The following KATNAL1 variants were observed in gnomAD, a reference collection of about 807,000 sequenced individuals.
KATNAL1 encodes the protein katanin catalytic subunit A1 like 1.
A neutral mutation model predicts 55.2 loss-of-function variants in KATNAL1; 32 were observed. The ratio of observed to expected loss-of-function variants is 0.58; its 90% CI spans 0.44 to 0.78. KATNAL1 has a LOEUF of 0.78. KATNAL1 is among the 30% of genes least tolerant of loss of function. The pLI, the probability that KATNAL1 is intolerant of heterozygous loss-of-function variation, is 0.00. For missense variants in KATNAL1, 466 were observed against 600.9 expected, an observed-to-expected ratio of 0.78 and a Z score of 2.35; for synonymous variants, 193 against 193.6, an observed-to-expected ratio of 1.00 and a Z score of 0.02.
At chr13:30,227,319 T>C in intron 9 of KATNAL1, 93 bp downstream of exon 9, 1 of 1,258,698 alleles carries the variant, frequency 7.9e-7, no homozygotes. Context: ...GCTATAAACT[T>C]CTTTAAGCAG....
intron 6 of KATNAL1, among the ~76,000 whole-genome samples, chr13:30,232,814 A>G (rs963267433): frequency 2.6e-5 from 4 of 152,118 alleles, no homozygotes; most frequent in African/African-American, 9.7e-5. Context: ...ATACAAATAT[A>G]CTTTAATCTG....
At chr13:30,285,122 C>T (rs139971886) in intron 1 of KATNAL1, among the ~76,000 whole-genome samples, 2 of 152,280 alleles carry the variant, frequency 1.3e-5, no homozygotes, top group East Asian at 3.9e-4. Context: ...GAAAATTAAC[C>T]ATCACTAGTT....
rs1873353086 is a variant in KATNAL1 at position 30,208,447 on chromosome 13, T to C, written c.*93A>G. 2 of 1,132,444 alleles carry C rather than the reference T, an allele frequency of 1.8e-6. No homozygotes were observed. The highest frequency in any genetic ancestry group is 2.5e-6 in the Non-Finnish European group (2 of 816,098). The allele number at this position is 1,132,444 out of a possible 1,614,324, so 70.1% of individuals were successfully genotyped here. ...TTCCTTTAAGCGAAAACCACTCCAC[T>C]GAAAAAAATTCCAAACTTGTTTTTT... On this transcript the variant is annotated 3_prime_UTR_variant, in exon 11 of 11. Transcript: ENST00000380615.
intron 1 of KATNAL1, among the ~76,000 whole-genome samples, chr13:30,290,626 A>G (rs983982755): frequency 1.3e-5 from 2 of 152,194 alleles, no homozygotes; most frequent in African/African-American, 2.4e-5. Flanking sequence ...CACCAAAATC[A>G]GACAAAGATC....
chr13:30,227,343 T>A, intron 9 of KATNAL1, 69 bp downstream of exon 9: 1 of 1,465,648 alleles, frequency 6.8e-7, no homozygotes, highest in East Asian at 2.3e-5. Context: ...GGCAATGGAA[T>A]AAAGATTTAG....
chr13:30,218,057 G>C (rs747049737), intron 9 of KATNAL1, among the ~76,000 whole-genome samples: 8 of 151,956 alleles, frequency 5.3e-5, no homozygotes, highest in Admixed American at 4.6e-4. Context: ...CTGGGAAATG[G>C]GAGTACCACA....
intron 6 of KATNAL1, among the ~76,000 whole-genome samples, chr13:30,232,670 G>C (rs1393645223): frequency 6.6e-6 from 1 of 152,240 alleles, no homozygotes; most frequent in South Asian, 2.1e-4. Context: ...TCCTATAGGA[G>C]TTAATTTCTA....
At chr13:30,285,942 G>T (rs1411577650) in intron 1 of KATNAL1, among the ~76,000 whole-genome samples, 1 of 152,206 alleles carries the variant, frequency 6.6e-6, no homozygotes, top group Non-Finnish European at 1.5e-5. Context: ...CTTGAGAGAG[G>T]TGTTTATGGT....
rs563961631 is a variant in KATNAL1, at chr13:30,208,780, T to A, written c.1275-42A>T. On this transcript the variant is annotated intron_variant, in intron 10 of 10. Coordinates refer to ENST00000380615, the MANE Select transcript of KATNAL1 (RefSeq NM_032116.5). Reference sequence around the variant, plus strand: ...ATCAGTCAACAGTAATTTTTGCACATGTTTTAAACACTTTCAATTGTAACA... The same window carrying A: ...ATCAGTCAACAGTAATTTTTGCACAAGTTTTAAACACTTTCAATTGTAACA... 821 of 1,255,348 alleles carry A rather than the reference T, an allele frequency of 6.5e-4. 4 individuals carry two copies. The highest frequency in any genetic ancestry group is 2.7e-3 in the Middle Eastern group (14 of 5,170). The allele number at this position is 1,255,348 out of a possible 1,614,324, so 77.8% of individuals were successfully genotyped here.
chr13:30,260,390 T>C (rs1879175696), intron 3 of KATNAL1, among the ~76,000 whole-genome samples: 1 of 152,106 alleles, frequency 6.6e-6, no homozygotes, highest in South Asian at 2.1e-4. Flanking sequence ...TTTGATGAGC[T>C]GAGAGAAGGC....
At chr13:30,229,076 G>A (rs1374703593) in intron 8 of KATNAL1, among the ~76,000 whole-genome samples, 1 of 152,150 alleles carries the variant, frequency 6.6e-6, no homozygotes, top group Non-Finnish European at 1.5e-5. Context: ...ATTTTTTAAT[G>A]TATTTTATCT....
chr13:30,283,278 AAAAAAAAAAAAAAG>A (rs1490415186), intron 2 of KATNAL1, among the ~76,000 whole-genome samples: 3 of 150,132 alleles, frequency 2.0e-5, no homozygotes, highest in South Asian at 2.1e-4. Context: ...AAAAAAAAAA[AAAAAAAAAAAAAAG>A]GAATGAATGA....
intron 2 of KATNAL1, among the ~76,000 whole-genome samples, chr13:30,283,266 C>A (rs1284917123): frequency 3.7e-4 from 13 of 35,102 alleles, no homozygotes; most frequent in African/African-American, 4.3e-4. Context: ...GACTCTGTCT[C>A]AAAAAAAAAA....
intron 2 of KATNAL1, among the ~76,000 whole-genome samples, chr13:30,282,871 C>T (rs1466722489): frequency 4.0e-5 from 6 of 148,554 alleles, no homozygotes; most frequent in African/African-American, 1.2e-4. Context: ...AGGAGAATGG[C>T]GTGAACCCGG....
At chr13:30,222,387 T>C (rs1874962203) in intron 9 of KATNAL1, among the ~76,000 whole-genome samples, 1 of 152,156 alleles carries the variant, frequency 6.6e-6, no homozygotes, top group African/African-American at 2.4e-5. Context: ...AGTGTACAGA[T>C]TTTGGACTTA....
At chr13:30,239,474 A>G (rs891692461) in intron 6 of KATNAL1, among the ~76,000 whole-genome samples, 1 of 152,146 alleles carries the variant, frequency 6.6e-6, no homozygotes, top group African/African-American at 2.4e-5. Context: ...CAAATCCCTA[A>G]AAAATTCAGA....
At chr13:30,249,644 T>C (rs1429244142) in intron 4 of KATNAL1, among the ~76,000 whole-genome samples, 1 of 152,216 alleles carries the variant, frequency 6.6e-6, no homozygotes. Context: ...GAATACTTAC[T>C]GTACATAAAG....
chr13:30,209,938 C>T (rs569697941), intron 10 of KATNAL1, among the ~76,000 whole-genome samples: 174 of 152,236 alleles, frequency 1.1e-3, no homozygotes, highest in Non-Finnish European at 1.9e-3. Context: ...TCCGCCACCA[C>T]ACCTGGCTAA....
At chr13:30,244,061 C>T (rs890785926) in intron 4 of KATNAL1, among the ~76,000 whole-genome samples, 1 of 152,048 alleles carries the variant, frequency 6.6e-6, no homozygotes, top group African/African-American at 2.4e-5. Context: ...GGTATTTCTC[C>T]TCATGTTATC....
Sources: allele counts gnomAD v4.1 joint callset (sites outside exome capture counted in the v4.1 genomes callset), GRCh38; gene constraint gnomAD v4.1.1; transcripts MANE v1.5; gene names NCBI Gene and HGNC (gene_info 2026-07-23, HGNC 2026-07-21).